The following SRCAP variants were observed in gnomAD, a reference collection of about 807,000 sequenced individuals.
The protein encoded by SRCAP is chromatin remodeling protein SRCAP.
In SRCAP, 46 loss-of-function variants were observed where a neutral mutation model predicts 263.1. The ratio of observed to expected loss-of-function variants is 0.17; its 90% CI spans 0.14 to 0.22. The LOEUF (loss-of-function observed/expected upper bound fraction) is 0.22. Among genes scored for constraint, SRCAP ranks in the 10% least tolerant of loss-of-function variants. The pLI is 1.00. For missense variants in SRCAP, 3,695 were observed against 4,181.9 expected (o/e 0.88, Z 3.21); for synonymous variants, 1,813 against 1,662.1 (o/e 1.09, Z -2.21).
rs753700157 is a variant in SRCAP at position 30,721,419 on chromosome 16, C to A, written c.3484C>A (p.Pro1162Thr). Residue 1162 changes from proline (P) to threonine (T), a missense_variant, in exon 21 of 34, where the codon CCG becomes ACG. Coordinates refer to ENST00000262518, the MANE Select transcript of SRCAP (RefSeq NM_006662.3). The stretch of plus-strand genomic sequence containing the variant: ...TGCTACCACCACAGCAGTGCCAGCT[C>A]CGACTCCTGCACCACAGCGCCTCAT... The part of the protein sequence containing the change: ...ATATTTAVPA[P>T]TPAPQRLILS... The A allele has an allele frequency of 6.2e-7, 1 of 1,613,440 alleles. No homozygotes were observed. Among genetic ancestry groups the A allele is most frequent in the Non-Finnish European group, 8.5e-7 (1 of 1,180,046 alleles).
Position 30,707,596 on chromosome 16 carries a change from C to T in SRCAP, c.517C>T (p.His173Tyr). The change falls in exon 6 of 34, where the codon CAC becomes TAC. Residue 173 changes from histidine to tyrosine, a missense_variant. His to Tyr is a moderately conservative substitution (Grantham distance 83, BLOSUM62 2). Coordinates refer to ENST00000262518, the MANE Select transcript of SRCAP (RefSeq NM_006662.3). ...RKVVRMVIRH[H>Y]EEQRQKEERA... is the part of the protein sequence containing the mutation. ...GGTGGTGCGCATGGTGATCCGGCAC[C>T]ACGAGGAGCAGCGGCAGAAAGAGGA... 6.2e-7 allele frequency: 1 copy of T among 1,613,650 alleles called. No individual in the cohort carries two copies. The highest frequency in any genetic ancestry group is 8.5e-7 in the Non-Finnish European group (1 of 1,179,800).
rs2053047170 is a variant in SRCAP, at chr16:30,724,794, G to T, written c.5370G>T (p.Leu1790Phe). ...CAGCTTCAGTGCAGACACTGACCTT[G>T]AGCCCTGCCCCAGTTCCTACCCTGG... is the stretch of plus-strand genomic sequence containing the variant. ...LAPASVQTLT[L>F]SPAPVPTLGP... is the part of the protein sequence containing the mutation. The change falls in exon 25 of 34, where the codon TTG becomes TTT. Residue 1790 changes from leucine to phenylalanine, a missense_variant. Physicochemically the swap from Leu to Phe is conservative, Grantham distance 22. Around this residue, in one of 12 missense-constraint regions of SRCAP, gnomAD observed 1,347 missense variants for 1,304.4 expected, o/e 1.03. Coordinates refer to ENST00000262518, the MANE Select transcript of SRCAP (RefSeq NM_006662.3). 1 of 1,613,254 alleles carries T rather than the reference G, an allele frequency of 6.2e-7. No individual in the cohort carries two copies. The highest frequency in any genetic ancestry group is 1.1e-5 in the South Asian group (1 of 91,060).
At chr16:30,709,189 G>A (rs527296401) in intron 6 of SRCAP, among the ~76,000 whole-genome samples, 12 of 152,174 alleles carry the variant, frequency 7.9e-5, no homozygotes, top group African/African-American at 2.7e-4. Context: ...CACCTACGTG[G>A]GAGGGTGAGG....
intron 33 of SRCAP, 30 bp from the exon 34 acceptor site, chr16:30,737,019 C>G (rs1157923132): frequency 1.3e-6 from 2 of 1,548,796 alleles, no homozygotes; most frequent in African/African-American, 1.4e-5. Context: ...CTTGCCTCCT[C>G]CTGACCACTT....
rs1412499709 is a variant in SRCAP at position 30,729,631 on chromosome 16, T to A, written c.6127+59T>A. On this transcript the variant is annotated intron_variant, in intron 27 of 33. Coordinates refer to ENST00000262518, the MANE Select transcript of SRCAP (RefSeq NM_006662.3). The stretch of plus-strand genomic sequence containing the variant: ...TCTCTTCTTTTCTTAGTATTAAGAC[T>A]GTTGTATCAGAGGGATGCTGCACTT... The A allele has an allele frequency of 3.2e-6, 5 of 1,583,466 alleles. No individual in the cohort carries two copies. In the Admixed American group the frequency reaches 8.5e-5, roughly 27 times the overall value.
chr16:30,715,721 T>C (rs535817010), intron 16 of SRCAP, among the ~76,000 whole-genome samples: 1 of 152,366 alleles, frequency 6.6e-6, no homozygotes, highest in African/African-American at 2.4e-5. Flanking sequence ...TTTTGTTTTA[T>C]CTCCTGTCAA....
chr16:30,730,970 A>C (rs1411604525), intron 27 of SRCAP, among the ~76,000 whole-genome samples: 1 of 152,010 alleles, frequency 6.6e-6, no homozygotes, highest in Non-Finnish European at 1.5e-5. Flanking sequence ...ACCCAGCCTT[A>C]AGGGACCAGG....
intron 31 of SRCAP, among the ~76,000 whole-genome samples, chr16:30,735,588 T>TTTC: frequency 6.9e-6 from 1 of 145,978 alleles, no homozygotes; most frequent in South Asian, 2.2e-4. Context: ...TTTTTTTTTT[T>TTTC]TGGAGACGGA....
rs1383420932 is a variant in SRCAP at position 30,699,898 on chromosome 16, G to C, written c.-283-10G>C. 2.6e-5 allele frequency: 4 copies of C among 152,208 alleles called. No homozygotes were observed. The highest frequency in any genetic ancestry group is 4.8e-5 in the African/African-American group (2 of 41,440). The allele number at this position is 152,208 out of a possible 1,614,324, so 9.4% of individuals were successfully genotyped here. A position where few individuals can be genotyped will look rare whatever the true frequency, so the allele number is the denominator to read the frequency against. On this transcript the variant is annotated splice_polypyrimidine_tract_variant and intron_variant, in intron 1 of 33. Coordinates refer to ENST00000262518, the MANE Select transcript of SRCAP (RefSeq NM_006662.3). ...CTGGAGTAAATAATACGCTTTGATG[G>C]ATGTTTCAGGTGTGATTCCCTTCAG...
intron 16 of SRCAP, among the ~76,000 whole-genome samples, chr16:30,713,960 C>T (rs1315286027): frequency 1.4e-5 from 2 of 148,144 alleles, no homozygotes; most frequent in Non-Finnish European, 3.0e-5. Context: ...TGCAGTGTTG[C>T]AATATCCATT....
At chr16:30,705,906 G>A (rs146489946) in intron 4 of SRCAP, among the ~76,000 whole-genome samples, 5 of 152,066 alleles carry the variant, frequency 3.3e-5, no homozygotes, top group East Asian at 1.9e-4. Flanking sequence ...GGGTTTCACC[G>A]TTTTAGCCAA....
intron 4 of SRCAP, among the ~76,000 whole-genome samples, chr16:30,706,492 C>T (rs1027336101): frequency 5.3e-5 from 8 of 152,122 alleles, no homozygotes; most frequent in South Asian, 2.1e-4. Flanking sequence ...TTTTTTGAGT[C>T]GTCTCTGTCA....
chr16:30,722,250 C>T lies in SRCAP; in HGVS notation c.3670C>T (p.Arg1224Cys), dbSNP rs766377461. 14 of 1,614,002 alleles carry T rather than the reference C, an allele frequency of 8.7e-6. No individual in the cohort carries two copies. The highest frequency in any genetic ancestry group is 4.5e-5 in the East Asian group (2 of 44,894). ...NKLTLTGAQV[R>C]QLAVGQPRPL... ...GCTGACTTTGACTGGTGCCCAGGTG[C>T]GCCAGCTTGCTGTGGGGCAGCCCCG... The change falls in exon 22 of 34, where the codon CGC (arginine) becomes TGC (cysteine). Residue 1224 changes from arginine (R) to cysteine (C), a missense_variant. This residue lies in a region of SRCAP where 1,347 missense variants were observed against 1,304.4 expected (regional missense o/e 1.03). Coordinates refer to ENST00000262518, the MANE Select transcript of SRCAP (RefSeq NM_006662.3).
In SRCAP at chr16:30,733,329, C is replaced by A. The variant is rs2053130811; in HGVS notation, c.6177C>A (p.Gly2059=). ...TGTTGCGGCAGCTCAAGGCAGAGGG[C>A]CACCGAGTGCTCATCTTCACCCAGA... The part of the protein sequence containing the change: ...AVLLRQLKAE[G]HRVLIFTQMT... The change falls in exon 28 of 34, where the codon GGC becomes GGA. Residue 2059 remains glycine (G), a synonymous_variant. Coordinates refer to ENST00000262518, the MANE Select transcript of SRCAP (RefSeq NM_006662.3). This position sits in a 1 kb window ranked among gnomAD's most constrained non-coding sequence, Gnocchi z 5.3. 1 of 1,613,988 alleles carries A rather than the reference C, an allele frequency of 6.2e-7. No individual in the cohort carries two copies. The highest frequency in any genetic ancestry group is 1.1e-5 in the South Asian group (1 of 91,096).
At chr16:30,710,455 C>G (rs1232150132) in intron 8 of SRCAP, 9 of 702,796 alleles carry the variant, frequency 1.3e-5, no homozygotes, top group Non-Finnish European at 2.3e-5. Context: ...AGGTTGGAAG[C>G]TGGCATGGTA....
chr16:30,729,668 C>T lies in SRCAP; in HGVS notation c.6127+96C>T, dbSNP rs550154542. ...GGGATGCTGCACTTAAGTTCTCTTG[C>T]GATTTCTGTAAAGCTTTAGATGGTT... is the stretch of plus-strand genomic sequence containing the variant. On this transcript the variant is annotated intron_variant, in intron 27 of 33. Coordinates refer to ENST00000262518, the MANE Select transcript of SRCAP (RefSeq NM_006662.3). 4.7e-5 allele frequency: 68 copies of T among 1,438,418 alleles called. 1 individual carries two copies. In the Middle Eastern group the frequency reaches 7.2e-4, roughly 15 times the overall value. The allele number at this position is 1,438,418 out of a possible 1,614,324, so 89.1% of individuals were successfully genotyped here.
intron 18 of SRCAP, 116 bp from the exon 19 acceptor site, chr16:30,720,046 T>G: frequency 1.7e-6 from 2 of 1,143,644 alleles, no homozygotes; most frequent in Non-Finnish European, 1.3e-6. Flanking sequence ...ACATGTGGTA[T>G]TTGGTTTTCT....
chr16:30,738,370 T>C lies in SRCAP; in HGVS notation c.8330T>C (p.Leu2777Pro). 6.4e-7 allele frequency: 1 copy of C among 1,562,510 alleles called. No individual in the cohort carries two copies. The highest frequency in any genetic ancestry group is 8.7e-7 in the Non-Finnish European group (1 of 1,154,546). ...RRQQRGAAST[L>P]VPGVSETSAS... ...CAGCAGCGGGGAGCTGCCAGCACCC[T>C]AGTGCCTGGGGTCTCTGAGACTAGT... The change falls in exon 34 of 34, where the codon CTA (leucine) becomes CCA (proline). Residue 2777 changes from leucine to proline, a missense_variant. This residue lies in a region of SRCAP where 1,207 missense variants were observed against 1,142.9 expected (regional missense o/e 1.06). Coordinates refer to ENST00000262518, the MANE Select transcript of SRCAP (RefSeq NM_006662.3).
chr16:30,726,615 G>C (rs1253649602), intron 25 of SRCAP, among the ~76,000 whole-genome samples: 1 of 151,770 alleles, frequency 6.6e-6, no homozygotes, highest in Non-Finnish European at 1.5e-5. Context: ...CTGTCTCCTG[G>C]GTTTAAGTGA....
Sources: allele counts gnomAD v4.1 joint callset (sites outside exome capture counted in the v4.1 genomes callset), GRCh38; gene constraint gnomAD v4.1.1; regional missense constraint gnomAD v4.1.1; non-coding constraint Gnocchi (gnomAD v3.1); transcripts MANE v1.5; gene names NCBI Gene and HGNC (gene_info 2026-07-23, HGNC 2026-07-21).